The following OCA2 variants were observed in gnomAD, a reference collection of about 807,000 sequenced individuals.
OCA2 encodes the protein P protein.
In OCA2, 77 loss-of-function variants were observed where a neutral mutation model predicts 100.2. That is an observed-to-expected ratio of 0.77 (90% CI 0.64 to 0.93). The LOEUF (loss-of-function observed/expected upper bound fraction) is 0.93, where lower values mean the gene tolerates loss of function less well. OCA2 is among the 40% of genes least tolerant of loss of function. The pLI is 0.00. For missense variants in OCA2, 1,062 were observed against 1,089.1 expected, an observed-to-expected ratio of 0.98 and a Z score of 0.35; for synonymous variants, 432 against 439.2, an observed-to-expected ratio of 0.98 and a Z score of 0.21.
At chr15:27,796,194 A>C (rs754660369) in intron 23 of OCA2, among the ~76,000 whole-genome samples, 5 of 152,240 alleles carry the variant, frequency 3.3e-5, no homozygotes, top group African/African-American at 9.6e-5. Context: ...TGTTGGAACA[A>C]CACCAAGTCC....
chr15:27,870,104 A>G (rs1013785443), intron 21 of OCA2, among the ~76,000 whole-genome samples: 6 of 152,202 alleles, frequency 3.9e-5, no homozygotes, highest in Non-Finnish European at 7.4e-5. Context: ...TCGGCGCTGC[A>G]TGAGCCTGGC....
chr15:28,048,728 G>A (rs866083569), intron 2 of OCA2, among the ~76,000 whole-genome samples: 20 of 152,056 alleles, frequency 1.3e-4, no homozygotes, highest in South Asian at 6.2e-4. Context: ...TTTCAGGGCC[G>A]GGCACGGTGG....
rs755111887 is a variant in OCA2, at chr15:27,851,410, A to G, written c.2310T>C (p.Tyr770=). 1.2e-6 allele frequency: 2 copies of G among 1,614,062 alleles called. No individual in the cohort carries two copies. Among genetic ancestry groups the G allele is most frequent in the South Asian group, 1.1e-5 (1 of 91,020 alleles). ...CCAGGCAAGCACCGAAGGCCAGGGCATACATGAGCGGCGGTGCGGGCAGGC... is the reference window on the plus strand; with the variant it reads ...CCAGGCAAGCACCGAAGGCCAGGGCGTACATGAGCGGCGGTGCGGGCAGGC... The part of the protein sequence containing the change: ...EVGLPAPPLM[Y]ALAFGACLGG... Residue 770 remains tyrosine, a synonymous_variant, in exon 22 of 24, where the codon TAT becomes TAC. Coordinates refer to ENST00000354638, the MANE Select transcript of OCA2 (RefSeq NM_000275.3).
chr15:27,895,370 G>C (rs988666692), intron 19 of OCA2, among the ~76,000 whole-genome samples: 1 of 152,198 alleles, frequency 6.6e-6, no homozygotes, highest in African/African-American at 2.4e-5. Flanking sequence ...GCAGAGGTTG[G>C]AACAGTTTGG....
At chr15:28,048,140 G>A (rs2043398163) in intron 2 of OCA2, among the ~76,000 whole-genome samples, 1 of 152,102 alleles carries the variant, frequency 6.6e-6, no homozygotes, top group African/African-American at 2.4e-5. Flanking sequence ...AAATTAAAAT[G>A]CACCCTATGT....
chr15:27,732,278 G>A, the OCA2 span, among the ~76,000 whole-genome samples: 1 of 152,166 alleles, frequency 6.6e-6, no homozygotes, highest in South Asian at 2.1e-4. Context: ...GAGGAAGAAG[G>A]ACCAAAAACA....
chr15:27,876,669 G>A (rs939044888), intron 19 of OCA2, among the ~76,000 whole-genome samples: 1 of 151,932 alleles, frequency 6.6e-6, no homozygotes, highest in African/African-American at 2.4e-5. Context: ...ATTTTGGTAA[G>A]TTGTATTTTT....
intron 1 of OCA2, among the ~76,000 whole-genome samples, chr15:28,082,275 A>C (rs1237795202): frequency 1.3e-5 from 2 of 152,166 alleles, no homozygotes; most frequent in African/African-American, 4.8e-5. Context: ...CAAATAAGGG[A>C]ATAAAAGGCT....
At chr15:27,869,752 GC>G (rs1183251003) in intron 21 of OCA2, among the ~76,000 whole-genome samples, 6 of 152,192 alleles carry the variant, frequency 3.9e-5, no homozygotes, top group Non-Finnish European at 8.8e-5. Context: ...GGCTGGGACA[GC>G]GCGGAGTCTC....
At chr15:27,913,766 CCCT>C (rs1254636850) in intron 19 of OCA2, among the ~76,000 whole-genome samples, 6 of 145,280 alleles carry the variant, frequency 4.1e-5, no homozygotes, top group African/African-American at 1.3e-4. Flanking sequence ...AGAGAAGAGT[CCCT>C]CCTCTTCTGA....
At chr15:28,090,110 A>G (rs2044847346) in intron 1 of OCA2, among the ~76,000 whole-genome samples, 1 of 152,244 alleles carries the variant, frequency 6.6e-6, no homozygotes, top group East Asian at 1.9e-4. Flanking sequence ...AGAGAGAGAC[A>G]TCTTGTAGTG....
At chr15:27,865,608 G>A (rs1233931602) in intron 21 of OCA2, among the ~76,000 whole-genome samples, 1 of 152,116 alleles carries the variant, frequency 6.6e-6, no homozygotes, top group Non-Finnish European at 1.5e-5. Context: ...CAGGCCTCCC[G>A]AGTGGGTGCA....
chr15:27,797,604 T>C (rs1031729851), intron 23 of OCA2, among the ~76,000 whole-genome samples: 2 of 152,182 alleles, frequency 1.3e-5, no homozygotes, highest in African/African-American at 2.4e-5. Context: ...ATGATGGCAT[T>C]GCAGCTTAAG....
At chr15:27,906,583 ATC>A (rs377561764) in intron 19 of OCA2, among the ~76,000 whole-genome samples, 10 of 152,198 alleles carry the variant, frequency 6.6e-5, no homozygotes, top group African/African-American at 1.9e-4. Context: ...TAAAACTAAA[ATC>A]TCTGTTACAT....
chr15:27,978,644 C>A (rs1198361980), intron 14 of OCA2, among the ~76,000 whole-genome samples: 1 of 151,718 alleles, frequency 6.6e-6, no homozygotes, highest in Non-Finnish European at 1.5e-5. Context: ...TAACTTGTGT[C>A]TATATGTATA....
At chr15:28,089,096 A>C (rs879773553) in intron 1 of OCA2, among the ~76,000 whole-genome samples, 4 of 152,240 alleles carry the variant, frequency 2.6e-5, no homozygotes, top group African/African-American at 9.6e-5. Flanking sequence ...ATTCAGCGAT[A>C]TTTCTCCTAT....
At chr15:28,087,403 T>C (rs13379995) in intron 1 of OCA2, among the ~76,000 whole-genome samples, 34,588 of 151,984 alleles carry the variant, frequency 0.23, 6,024 homozygotes, top group East Asian at 0.72. Context: ...GTTCTCTAAA[T>C]AGAAAGGGAA....
chr15:28,027,235 T>C (rs2042779284), intron 4 of OCA2, among the ~76,000 whole-genome samples: 1 of 152,112 alleles, frequency 6.6e-6, no homozygotes, highest in Admixed American at 6.5e-5. Context: ...GCATGCGTAC[T>C]CCCACTCCCA....
Position 27,771,711 on chromosome 15 carries a change from TGTAATCGTCTG to T in OCA2, c.2433-16250_2433-16240del, listed in dbSNP as rs2031882000. ...GAAATCTGTATTTTTTTTATCAGCA[TGTAATCGTCTG>T]ACTTTAATCTTCTTTACCTCTGCTA... On this transcript the variant is annotated intron_variant, in intron 23 of 23. Coordinates refer to ENST00000354638, the MANE Select transcript of OCA2 (RefSeq NM_000275.3). Among the ~76,000 whole-genome samples, 3 of 152,372 alleles carry T rather than the reference TGTAATCGTCTG, an allele frequency of 2.0e-5. No homozygotes were observed. In the South Asian group the frequency reaches 6.2e-4, roughly 32 times the overall value.
Sources: gnomAD v4.1 joint callset for allele counts (sites outside exome capture counted in the v4.1 genomes callset) on GRCh38, gnomAD v4.1.1 for gene constraint, MANE v1.5 for transcripts, NCBI Gene and HGNC (gene_info 2026-07-23, HGNC 2026-07-21) for gene names.